The following SV2C variants were observed in gnomAD, a reference collection of about 807,000 sequenced individuals.
SV2C encodes the protein synaptic vesicle glycoprotein 2C, also known as solute carrier family 22 member B3.
SV2C carries 49 observed loss-of-function variants against 79.7 expected under a neutral mutation model. That is an observed-to-expected ratio of 0.61 (90% CI 0.49 to 0.78). The LOEUF (loss-of-function observed/expected upper bound fraction) is 0.78, where lower values mean the gene tolerates loss of function less well. Ranked by LOEUF, SV2C falls within the 30% of genes least tolerant of loss-of-function variation. The pLI, the probability that SV2C is intolerant of heterozygous loss-of-function variation, is 0.00. For missense variants in SV2C, 833 were observed against 912.9 expected (o/e 0.91, Z 1.13); for synonymous variants, 334 against 333.2 (o/e 1.00, Z -0.03).
rs560884886 is a variant in SV2C, at chr5:76,349,788, G to A, written c.2001-3342G>A. ...GGCCTCAAGTGAACCTCCCACCTTG[G>A]CCTCCCAAAGTGCTTGGGATTATAG... is the stretch of plus-strand genomic sequence containing the variant. On this transcript the variant is annotated intron_variant, in intron 12 of 12. Coordinates refer to the SV2C transcript ENST00000322285. 8.0e-4 allele frequency among the ~76,000 whole-genome samples: 122 copies of A among 151,756 alleles called. 1 individual carries two copies. In the South Asian group the frequency reaches 0.019, roughly 24 times the overall value.
At chr5:75,928,872 G>A in the SV2C span, among the ~76,000 whole-genome samples, 2 of 152,102 alleles carry the variant, frequency 1.3e-5, no homozygotes, top group East Asian at 1.9e-4. Context: ...AGAGAGATGG[G>A]AGAACTGGAG....
chr5:76,054,762 T>A, the SV2C span, among the ~76,000 whole-genome samples: 4 of 152,240 alleles, frequency 2.6e-5, no homozygotes, highest in Non-Finnish European at 5.9e-5. Context: ...GAGCTTTTTT[T>A]TATATGTTTG....
At chr5:76,256,078 G>T (rs1746256200) in intron 4 of SV2C, among the ~76,000 whole-genome samples, 1 of 152,144 alleles carries the variant, frequency 6.6e-6, no homozygotes. Context: ...TTGCTCTCAA[G>T]GGCACATGCT....
intron 2 of SV2C, among the ~76,000 whole-genome samples, chr5:76,170,562 G>C (rs980831356): frequency 1.5e-5 from 2 of 130,670 alleles, no homozygotes; most frequent in Non-Finnish European, 3.3e-5. Context: ...TCTTGTTGTA[G>C]ACCCCCACTG....
the SV2C span, among the ~76,000 whole-genome samples, chr5:75,981,246 T>C: frequency 1.3e-5 from 2 of 152,196 alleles, no homozygotes; most frequent in African/African-American, 4.8e-5. Context: ...AAACATTCCA[T>C]GCTCATGGAT....
chr5:75,859,407 C>T, the SV2C span, among the ~76,000 whole-genome samples: 1 of 152,182 alleles, frequency 6.6e-6, no homozygotes, highest in Non-Finnish European at 1.5e-5. Flanking sequence ...TGAAGGTACT[C>T]ATAAATTCTT....
chr5:75,927,503 A>G, the SV2C span, among the ~76,000 whole-genome samples: 1 of 151,820 alleles, frequency 6.6e-6, no homozygotes, highest in Non-Finnish European at 1.5e-5. Context: ...GGGGAGGGGG[A>G]AATGGGAAAT....
At chr5:76,113,207 C>G (rs536104813) in intron 1 of SV2C, among the ~76,000 whole-genome samples, 1 of 152,352 alleles carries the variant, frequency 6.6e-6, no homozygotes, top group African/African-American at 2.4e-5. Context: ...CTGGCCAGCT[C>G]AGCTTCGACC....
At chr5:75,878,754 T>G in the SV2C span, among the ~76,000 whole-genome samples, 1,796 of 152,246 alleles carry the variant, frequency 0.012, 31 homozygotes, top group African/African-American at 0.04. Flanking sequence ...ACATGAGCAG[T>G]GCCAGAGTGC....
the SV2C span, among the ~76,000 whole-genome samples, chr5:76,018,114 T>C: frequency 2.0e-5 from 3 of 152,196 alleles, no homozygotes; most frequent in East Asian, 5.8e-4. Flanking sequence ...CCTGATTCTA[T>C]AGTGTGGAAA....
chr5:76,300,691 A>G, intron 10 of SV2C, 38 bp from the exon 11 acceptor site: 1 of 1,596,346 alleles, frequency 6.3e-7, no homozygotes, highest in Non-Finnish European at 8.6e-7. Flanking sequence ...CATGCCTGGT[A>G]AGAGCTTGAT....
chr5:76,136,440 T>C (rs1749071410), intron 2 of SV2C, among the ~76,000 whole-genome samples: 1 of 152,238 alleles, frequency 6.6e-6, no homozygotes, highest in Non-Finnish European at 1.5e-5. Flanking sequence ...GATATTCTGA[T>C]TAGTATATTG....
the SV2C span, among the ~76,000 whole-genome samples, chr5:75,951,639 T>C: frequency 6.6e-6 from 1 of 152,020 alleles, no homozygotes; most frequent in African/African-American, 2.4e-5. Context: ...TACTTGAACA[T>C]GTAGAGATGC....
chr5:75,860,474 A>G, the SV2C span, among the ~76,000 whole-genome samples: 8 of 152,218 alleles, frequency 5.3e-5, no homozygotes, highest in East Asian at 1.3e-3. Flanking sequence ...TTATGATCAC[A>G]GATTGGAAGA....
At chr5:75,859,098 T>C in the SV2C span, among the ~76,000 whole-genome samples, 2 of 152,172 alleles carry the variant, frequency 1.3e-5, no homozygotes, top group African/African-American at 4.8e-5. Flanking sequence ...TCTCCCCTGA[T>C]TTTTATAATT....
At chr5:75,850,373 A>G in the SV2C span, among the ~76,000 whole-genome samples, 3 of 152,174 alleles carry the variant, frequency 2.0e-5, no homozygotes, top group Admixed American at 6.5e-5. Context: ...TTTGTTATAT[A>G]TTTGCAAAAA....
At chr5:76,317,441 C>A (rs574862483) in intron 12 of SV2C, among the ~76,000 whole-genome samples, 2,598 of 151,098 alleles carry the variant, frequency 0.017, 36 homozygotes, top group Middle Eastern at 0.041. Flanking sequence ...CCACCCCCCC[C>A]AACACACACA....
Position 76,119,450 on chromosome 5 carries a change from A to G in SV2C, c.-101-12200A>G, listed in dbSNP as rs187975001. Among the ~76,000 whole-genome samples, 348 of 152,334 alleles carry G rather than the reference A, an allele frequency of 2.3e-3. 1 individual carries two copies. Among genetic ancestry groups the G allele is most frequent in the Non-Finnish European group, 3.7e-3 (255 of 68,032 alleles). The stretch of plus-strand genomic sequence containing the variant: ...GAGCTGACACTGCACATTCCAAGTT[A>G]TGACCAGGACATAAACATAGTCAGA... On this transcript the variant is annotated intron_variant, in intron 1 of 12. Transcript: ENST00000502798.
downstream of SV2C, among the ~76,000 whole-genome samples, chr5:76,336,143 C>CG (rs1266312014): frequency 7.5e-6 from 1 of 132,814 alleles, no homozygotes; most frequent in South Asian, 2.4e-4. Flanking sequence ...GCTGGCCTGG[C>CG]GGGGGCTGAC....
Sources: allele counts gnomAD v4.1 joint callset (sites outside exome capture counted in the v4.1 genomes callset), GRCh38; gene constraint gnomAD v4.1.1; transcripts MANE v1.5; gene names NCBI Gene and HGNC (gene_info 2026-07-23, HGNC 2026-07-21).